The following SEC14L1 variants were observed in gnomAD, a reference collection of about 807,000 sequenced individuals.
SEC14L1 encodes the protein SEC14 like lipid binding 1, also known as SEC14-like protein 1.
A neutral mutation model predicts 85.3 loss-of-function variants in SEC14L1; 48 were observed. The observed-to-expected ratio is 0.56, with a 90% CI of 0.45 to 0.72. SEC14L1 has a LOEUF of 0.72. Among genes scored for constraint, SEC14L1 ranks in the 30% least tolerant of loss-of-function variants. The pLI is 0.00. For missense variants in SEC14L1, 682 were observed against 921.4 expected (o/e 0.74, Z 3.36); for synonymous variants, 391 against 355.5 (o/e 1.10, Z -1.12).
intron 3 of SEC14L1, among the ~76,000 whole-genome samples, chr17:77,100,169 T>TTCTTCCTGGTAGATGTGGACTGACC (rs1021640816): frequency 3.3e-5 from 5 of 152,206 alleles, no homozygotes; most frequent in Admixed American, 6.5e-5. Flanking sequence ...CCTGTTGACT[T>TTCTTCCTGGTAGATGTGGACTGACC]TCTTCCTGGT....
At chr17:77,192,722 G>C (rs1170570165) in intron 5 of SEC14L1, among the ~76,000 whole-genome samples, 2 of 151,814 alleles carry the variant, frequency 1.3e-5, no homozygotes, top group African/African-American at 4.8e-5. Context: ...GAGTGCAGTG[G>C]AACAATCAGT....
At chr17:77,185,121 C>A in intron 3 of SEC14L1, 1 of 669,996 alleles carries the variant, frequency 1.5e-6, no homozygotes, top group Non-Finnish European at 1.8e-6. Context: ...GTATTGTATG[C>A]TTCAAAACAT....
At chr17:77,191,362 T>C in intron 5 of SEC14L1, 50 bp downstream of exon 5, 1 of 1,605,522 alleles carries the variant, frequency 6.2e-7, no homozygotes, top group Non-Finnish European at 8.5e-7. Flanking sequence ...ATATGGCTTC[T>C]GAGGATTGTT....
In SEC14L1 at chr17:77,194,861, A is replaced by T; in HGVS notation, c.659A>T (p.Asp220Val). ...EAALKEGLSG[D>V]ALSSPSAPEP... ...GCCCTCAAGGAGGGGCTGAGTGGTG[A>T]TGCCCTCAGCAGCCCCAGCGCACCT... The change falls in exon 7 of 17, where the codon GAT (aspartate) becomes GTT (valine). Residue 220 changes from aspartate (D) to valine (V), a missense_variant. Asp to Val is a radical substitution (Grantham distance 152, BLOSUM62 -3). Around this residue, in one of 3 missense-constraint regions of SEC14L1, gnomAD observed 123 missense variants for 100.6 expected, o/e 1.22. Transcript: ENST00000436233. The T allele has an allele frequency of 1.2e-6, 2 of 1,614,178 alleles. No homozygotes were observed. The highest frequency in any genetic ancestry group is 1.7e-6 in the Non-Finnish European group (2 of 1,180,020).
chr17:77,150,381 C>G (rs952437201), intron 3 of SEC14L1, among the ~76,000 whole-genome samples: 3 of 152,164 alleles, frequency 2.0e-5, no homozygotes, highest in Non-Finnish European at 2.9e-5. Flanking sequence ...CCACAGTCTC[C>G]CCCTCTCCCT....
chr17:77,092,368 C>T (rs954394026), intron 2 of SEC14L1, among the ~76,000 whole-genome samples: 6 of 152,050 alleles, frequency 3.9e-5, no homozygotes, highest in African/African-American at 7.2e-5. Flanking sequence ...CAGGAAAGGA[C>T]ATTTTCTGTT....
chr17:77,216,228 G>T lies in SEC14L1; in HGVS notation c.*2205G>T. 9.3e-7 allele frequency: 1 copy of T among 1,075,516 alleles called. No homozygotes were observed. Among genetic ancestry groups the T allele is most frequent in the African/African-American group, 2.1e-5 (1 of 48,414 alleles). 66.6% of individuals were successfully genotyped at this position (1,075,516 alleles called of 1,614,324 possible). On this transcript the variant is annotated 3_prime_UTR_variant, in exon 17 of 17. Coordinates refer to ENST00000436233, the MANE Select transcript of SEC14L1 (RefSeq NM_001143998.2). ...TAGGTAGGGCTAGTAGGTAGGGTTCGTAGGTAGGGTTCGTAGGTAGGGTTC... is the reference window on the plus strand; with the variant it reads ...TAGGTAGGGCTAGTAGGTAGGGTTCTTAGGTAGGGTTCGTAGGTAGGGTTC...
intron 5 of SEC14L1, among the ~76,000 whole-genome samples, chr17:77,192,675 T>TC (rs1251917062): frequency 2.6e-5 from 4 of 151,920 alleles, no homozygotes; most frequent in Middle Eastern, 3.4e-3. Flanking sequence ...TTTTTTTTTT[T>TC]CTTCAGGGAT....
intron 3 of SEC14L1, among the ~76,000 whole-genome samples, chr17:77,185,929 C>G (rs1975246782): frequency 6.6e-6 from 1 of 152,082 alleles, no homozygotes; most frequent in South Asian, 2.1e-4. Flanking sequence ...AGTGATTTTT[C>G]AAGATTCTGG....
At chr17:77,129,767 C>A (rs1427539597) in intron 3 of SEC14L1, among the ~76,000 whole-genome samples, 1 of 152,126 alleles carries the variant, frequency 6.6e-6, no homozygotes, top group Non-Finnish European at 1.5e-5. Context: ...GTTTATTCTT[C>A]ACCCAGTCGC....
chr17:77,161,420 G>A (rs961836922), intron 3 of SEC14L1, among the ~76,000 whole-genome samples: 3 of 152,184 alleles, frequency 2.0e-5, no homozygotes, highest in Non-Finnish European at 2.9e-5. Flanking sequence ...CGCGGGGATG[G>A]GGGTGGGATG....
At chr17:77,165,158 C>T (rs1273446263) in intron 3 of SEC14L1, among the ~76,000 whole-genome samples, 1 of 152,096 alleles carries the variant, frequency 6.6e-6, no homozygotes, top group Non-Finnish European at 1.5e-5. Flanking sequence ...TTCTGTCAAC[C>T]GAATATAGTA....
At chr17:77,105,594 A>G (rs1369242184) in intron 3 of SEC14L1, among the ~76,000 whole-genome samples, 1 of 152,170 alleles carries the variant, frequency 6.6e-6, no homozygotes, top group Non-Finnish European at 1.5e-5. Flanking sequence ...CAGGGAGGAA[A>G]AACTTTACCC....
At chr17:77,118,943 A>T (rs1972237538) in intron 3 of SEC14L1, among the ~76,000 whole-genome samples, 1 of 152,212 alleles carries the variant, frequency 6.6e-6, no homozygotes, top group Non-Finnish European at 1.5e-5. Flanking sequence ...CTGACTTCCC[A>T]AGAAGCATCC....
intron 3 of SEC14L1, among the ~76,000 whole-genome samples, chr17:77,126,874 T>G (rs1037898181): frequency 6.6e-6 from 1 of 152,170 alleles, no homozygotes; most frequent in African/African-American, 2.4e-5. Context: ...AGGCACCTTT[T>G]TCACTGCTCT....
chr17:77,199,629 T>C (rs1976016293), intron 8 of SEC14L1: 1 of 152,356 alleles, frequency 6.6e-6, no homozygotes, highest in Non-Finnish European at 1.5e-5. Context: ...AACTTTTTAT[T>C]TAAATGCAGT....
Position 77,215,255 on chromosome 17 carries a change from C to T in SEC14L1, c.*1232C>T, listed in dbSNP as rs1401790090. ...AAAGCCTGCTCTATCTGGTACAGGC[C>T]CTTATTTTTTCAGCTTTTTATGGGA... On this transcript the variant is annotated 3_prime_UTR_variant, in exon 17 of 17. Transcript: ENST00000436233. The T allele has an allele frequency of 2.0e-6, 2 of 985,148 alleles. No homozygotes were observed. Among genetic ancestry groups the T allele is most frequent in the African/African-American group, 3.5e-5 (2 of 57,160 alleles). The allele number at this position is 985,148 out of a possible 1,614,324, so 61.0% of individuals were successfully genotyped here. A position where few individuals can be genotyped will look rare whatever the true frequency, so the allele number is the denominator to read the frequency against.
At position 77,196,901 on chromosome 17, in the gene SEC14L1, G is replaced by A. The variant is rs191436485; in HGVS notation, c.819+590G>A. On this transcript the variant is annotated intron_variant, in intron 8 of 16. Transcript: ENST00000436233. Reference sequence around the variant, plus strand: ...AACCACTGCAGTGATGATGGCCACCGTTTGTTGTCTTCTTACCATGTATTA... The same window carrying A: ...AACCACTGCAGTGATGATGGCCACCATTTGTTGTCTTCTTACCATGTATTA... Among the ~76,000 whole-genome samples, 142 of 152,278 alleles carry A rather than the reference G, an allele frequency of 9.3e-4. 1 individual carries two copies. The highest frequency in any genetic ancestry group is 3.4e-3 in the Middle Eastern group (1 of 294).
intron 3 of SEC14L1, chr17:77,144,926 T>G (rs1973210005): frequency 6.6e-6 from 1 of 151,540 alleles, no homozygotes. Flanking sequence ...TTTATTTTTA[T>G]TTTTTGAGAC....
Sources: allele counts gnomAD v4.1 joint callset (sites outside exome capture counted in the v4.1 genomes callset), GRCh38; gene constraint gnomAD v4.1.1; regional missense constraint gnomAD v4.1.1; transcripts MANE v1.5; gene names NCBI Gene and HGNC (gene_info 2026-07-23, HGNC 2026-07-21).